C6orf163: variants seen among roughly 807,000 people sequenced by gnomAD.
The protein encoded by C6orf163 is uncharacterized protein C6orf163.
A neutral mutation model predicts 28.4 loss-of-function variants in C6orf163; 22 were observed. That is an observed-to-expected ratio of 0.78 (90% CI 0.55 to 1.11). The LOEUF is 1.11. C6orf163 is among the 50% of genes least tolerant of loss of function. The pLI, the probability that C6orf163 is intolerant of heterozygous loss-of-function variation, is 0.00. For missense variants in C6orf163, 342 were observed against 389.1 expected (o/e 0.88, Z 1.02); for synonymous variants, 110 against 123.6 (o/e 0.89, Z 0.73).
At chr6:87,353,591 T>A (rs1445876432) in intron 3 of C6orf163, among the ~76,000 whole-genome samples, 1 of 151,796 alleles carries the variant, frequency 6.6e-6, no homozygotes, top group African/African-American at 2.4e-5. Context: ...TGAAAAAAAA[T>A]ATTGATTCAT....
chr6:87,356,052 CT>C (rs1471845956), intron 3 of C6orf163: 1 of 430,528 alleles, frequency 2.3e-6, no homozygotes, highest in South Asian at 4.0e-5. Flanking sequence ...CAACTATTTT[CT>C]TTTTTCCATA....
At chr6:87,357,845 T>C (rs1222853515) in intron 4 of C6orf163, 1 of 152,240 alleles carries the variant, frequency 6.6e-6, no homozygotes, top group Non-Finnish European at 1.5e-5. Context: ...TGGAAGGTTT[T>C]CAATGTCTGC....
chr6:87,350,149 C>T (rs908172856), intron 2 of C6orf163, among the ~76,000 whole-genome samples: 1 of 152,188 alleles, frequency 6.6e-6, no homozygotes, highest in African/African-American at 2.4e-5. Context: ...AGCTGCCTTG[C>T]CTTTAGCGAT....
intron 4 of C6orf163, among the ~76,000 whole-genome samples, chr6:87,360,275 G>A (rs1180118300): frequency 8.3e-6 from 1 of 121,110 alleles, no homozygotes; most frequent in Non-Finnish European, 1.9e-5. Context: ...GCCCTCTTTC[G>A]ATAAAAAAAA....
intron 4 of C6orf163, 73 bp from the exon 5 acceptor site, chr6:87,364,888 C>T (rs1777623639): frequency 2.0e-5 from 23 of 1,141,470 alleles, no homozygotes; most frequent in Non-Finnish European, 2.6e-5. Flanking sequence ...CATTCATCTG[C>T]GTTTAAAGAT....
chr6:87,359,721 T>G (rs1777555226), intron 4 of C6orf163, among the ~76,000 whole-genome samples: 1 of 152,228 alleles, frequency 6.6e-6, no homozygotes, highest in South Asian at 2.1e-4. Context: ...GTTTTCATTC[T>G]CCAAGAGTCT....
intron 1 of C6orf163, among the ~76,000 whole-genome samples, 200 bp downstream of exon 1, chr6:87,345,447 T>C (rs931750798): frequency 4.6e-5 from 7 of 152,224 alleles, no homozygotes; most frequent in African/African-American, 1.7e-4. Context: ...CCTCTCAATC[T>C]GTTTCCTTAT....
chr6:87,345,115 G>C lies in C6orf163; in HGVS notation c.16G>C (p.Asp6His), dbSNP rs935048089. 5.2e-6 allele frequency: 8 copies of C among 1,529,398 alleles called. No individual in the cohort carries two copies. The highest frequency in any genetic ancestry group is 7.0e-6 in the Non-Finnish European group (8 of 1,144,656). 94.7% of individuals were successfully genotyped at this position (1,529,398 alleles called of 1,614,324 possible). Residue 6 changes from aspartate (D) to histidine (H), a missense_variant, in exon 1 of 5, where the codon GAT becomes CAT. Transcript: ENST00000388923. MIRNS[D>H]YKNFVCCAVC... The stretch of plus-strand genomic sequence containing the variant: ...AAATTTAACTATGATCAGAAATTCA[G>C]ATTACAAAAACTTTGTTTGCTGTGC...
chr6:87,347,323 A>T lies in C6orf163; in HGVS notation c.149-1489A>T, dbSNP rs929219451. On this transcript the variant is annotated intron_variant, in intron 1 of 4. Transcript: ENST00000388923. ...TTCCTTTTACAGTATGTGCATTTTT[A>T]AAAAAAGCTTTGCAGGGATCCTGTT... 18 of 878,758 alleles carry T rather than the reference A, an allele frequency of 2.0e-5. No homozygotes were observed. The African/African-American group carries it at 2.7e-4, about 13-fold the overall frequency. 54.4% of individuals were successfully genotyped at this position (878,758 alleles called of 1,614,324 possible). A position where few individuals can be genotyped will look rare whatever the true frequency, so the allele number is the denominator to read the frequency against.
intron 4 of C6orf163, chr6:87,358,557 A>G (rs896816128): frequency 1.3e-5 from 2 of 152,102 alleles, no homozygotes; most frequent in Non-Finnish European, 2.9e-5. Flanking sequence ...CAGTGAGCCG[A>G]GATCACGCCA....
At chr6:87,359,639 C>T (rs568908761) in intron 4 of C6orf163, among the ~76,000 whole-genome samples, 10 of 152,246 alleles carry the variant, frequency 6.6e-5, no homozygotes, top group East Asian at 3.9e-4. Context: ...ATGGACTTTC[C>T]GTAGTTTATT....
intron 4 of C6orf163, among the ~76,000 whole-genome samples, chr6:87,362,812 G>A (rs902573376): frequency 6.6e-6 from 1 of 152,196 alleles, no homozygotes; most frequent in African/African-American, 2.4e-5. Flanking sequence ...TGGAAAGCCT[G>A]TATTAGACTG....
chr6:87,345,789 C>T (rs531013618), intron 1 of C6orf163, among the ~76,000 whole-genome samples: 14 of 151,774 alleles, frequency 9.2e-5, no homozygotes, highest in Middle Eastern at 6.9e-3. Context: ...TGGTGGCATG[C>T]GCCTGTAATC....
chr6:87,350,179 G>T (rs551933166), intron 2 of C6orf163, among the ~76,000 whole-genome samples: 24 of 152,356 alleles, frequency 1.6e-4, no homozygotes, highest in African/African-American at 5.1e-4. Flanking sequence ...AGCAAGGCTA[G>T]CTCTGGATTG....
At chr6:87,356,060 C>T in intron 3 of C6orf163, 1 of 445,720 alleles carries the variant, frequency 2.2e-6, no homozygotes, top group South Asian at 3.9e-5. Context: ...TTCTTTTTTC[C>T]ATATTCCCTT....
At chr6:87,348,666 A>G (rs529926374) in intron 1 of C6orf163, 146 bp from the exon 2 acceptor site, 2 of 1,412,244 alleles carry the variant, frequency 1.4e-6, no homozygotes, top group African/African-American at 1.4e-5. Context: ...TTACTCTTTC[A>G]ATGGGTATCT....
At position 87,365,143 on chromosome 6, in the gene C6orf163, C is replaced by T. The variant is rs771760676; in HGVS notation, c.737C>T (p.Thr246Ile). ...GAAGCAGAGAAAACACATCAGGCCA[C>T]TCTTGGCAATATGATGGATAAACTG... ...LQEAEKTHQA[T>I]LGNMMDKLAN... is the part of the protein sequence containing the mutation. Residue 246 changes from threonine to isoleucine, a missense_variant, in exon 5 of 5, where the codon ACT becomes ATT. By Grantham distance (89) the Thr-to-Ile change is moderately conservative. Transcript: ENST00000388923. The T allele has an allele frequency of 2.6e-5, 40 of 1,551,820 alleles. No individual in the cohort carries two copies. Among genetic ancestry groups the T allele is most frequent in the Non-Finnish European group, 3.4e-5 (39 of 1,147,062 alleles).
chr6:87,365,084 G>T lies in C6orf163; in HGVS notation c.678G>T (p.Arg226Ser), dbSNP rs758177933. 1.4e-5 allele frequency: 21 copies of T among 1,551,866 alleles called. No homozygotes were observed. The South Asian group carries it at 2.4e-4, about 18-fold the overall frequency. The change falls in exon 5 of 5, where the codon AGG (arginine) becomes AGT (serine). Residue 226 changes from arginine (R) to serine (S), a missense_variant. By Grantham distance (110) the Arg-to-Ser change is moderately radical. Transcript: ENST00000388923. ...EMSILYGIAQRQRQEEVQEVL... is the reference protein window; with the variant it reads ...EMSILYGIAQSQRQEEVQEVL... ...GCATCCTCTATGGCATAGCTCAGAG[G>T]CAGAGGCAAGAAGAGGTACAGGAAG...
intron 4 of C6orf163, among the ~76,000 whole-genome samples, chr6:87,362,504 A>G (rs906842533): frequency 7.2e-5 from 11 of 152,194 alleles, no homozygotes; most frequent in Admixed American, 7.2e-4. Flanking sequence ...ATCAGCTTCA[A>G]TGGGTTATTG....
Sources: gnomAD v4.1 joint callset for allele counts (sites outside exome capture counted in the v4.1 genomes callset) on GRCh38, gnomAD v4.1.1 for gene constraint, MANE v1.5 for transcripts, NCBI Gene and HGNC (gene_info 2026-07-23, HGNC 2026-07-21) for gene names.